DPP6: variants seen among roughly 807,000 people sequenced by gnomAD.
DPP6 encodes the protein A-type potassium channel modulatory protein DPP6.
A neutral mutation model predicts 122.6 loss-of-function variants in DPP6; 69 were observed. The observed-to-expected ratio is 0.56, with a 90% CI of 0.46 to 0.69. DPP6 has a LOEUF of 0.69. DPP6 is among the 30% of genes least tolerant of loss of function. The probability of loss-of-function intolerance (pLI) is 0.00; values close to 1 mark genes in which losing one functional copy is unlikely to be tolerated. For synonymous variants in DPP6, 418 were observed against 433.1 expected (o/e 0.97, Z 0.43); for missense variants, 928 against 1,116.9 (o/e 0.83, Z 2.41).
the DPP6 span, among the ~76,000 whole-genome samples, chr7:153,794,257 C>T: frequency 6.6e-6 from 1 of 152,258 alleles, no homozygotes; most frequent in Non-Finnish European, 1.5e-5. Flanking sequence ...GGGATGGAGG[C>T]TGTACCCTGC....
rs369484698 is a variant in DPP6, at chr7:154,742,015, C to T, written c.883+14128C>T. On this transcript the variant is annotated intron_variant, in intron 8 of 25. Transcript: ENST00000377770. ...CCTCATTTACTAGGGAATCCTATTT[C>T]GAGCCCCTTCTGGGCGCCCAGATTG... Among the ~76,000 whole-genome samples, 33 of 152,338 alleles carry T rather than the reference C, an allele frequency of 2.2e-4. No individual in the cohort carries two copies. In the East Asian group the frequency reaches 4.8e-3, roughly 22 times the overall value.
chr7:154,795,671 C>G (rs1797999019), intron 11 of DPP6, among the ~76,000 whole-genome samples, 174 bp from the exon 12 acceptor site: 1 of 152,044 alleles, frequency 6.6e-6, no homozygotes, highest in Non-Finnish European at 1.5e-5. Flanking sequence ...AAGAGGAGAG[C>G]TCGGGATTGC....
intron 1 of DPP6, among the ~76,000 whole-genome samples, chr7:153,925,497 G>A (rs1288430243): frequency 6.6e-6 from 1 of 151,894 alleles, no homozygotes; most frequent in Non-Finnish European, 1.5e-5. Flanking sequence ...GGTCCCTGTG[G>A]TTCTGATGAG....
chr7:154,649,595 T>C (rs12538959), intron 6 of DPP6, among the ~76,000 whole-genome samples: 96,344 of 152,036 alleles, frequency 0.63, 31,651 homozygotes, highest in East Asian at 0.79. Context: ...CTGGGGGTGG[T>C]TCCACCTGCA....
chr7:154,376,148 G>A (rs1813111198), intron 1 of DPP6, among the ~76,000 whole-genome samples: 1 of 152,186 alleles, frequency 6.6e-6, no homozygotes, highest in Non-Finnish European at 1.5e-5. Flanking sequence ...TGCAGCATTG[G>A]GTAATTTGCT....
chr7:153,997,168 G>A (rs533867967), intron 1 of DPP6, among the ~76,000 whole-genome samples: 8 of 152,076 alleles, frequency 5.3e-5, no homozygotes, highest in South Asian at 2.1e-4. Context: ...AAATCATGGC[G>A]TGGTCCTCCA....
chr7:154,749,693 GA>G, intron 8 of DPP6, among the ~76,000 whole-genome samples: 1 of 63,400 alleles, frequency 1.6e-5, no homozygotes, highest in Non-Finnish European at 3.3e-5. Flanking sequence ...CATAGGATGG[GA>G]AAGAGAGGGA....
chr7:153,848,998 G>A, the DPP6 span, among the ~76,000 whole-genome samples: 1 of 152,028 alleles, frequency 6.6e-6, no homozygotes, highest in Non-Finnish European at 1.5e-5. Context: ...TTTAATTTAT[G>A]ATGGTTTATG....
At chr7:153,971,028 T>C (rs7796170) in intron 1 of DPP6, among the ~76,000 whole-genome samples, 8,290 of 152,152 alleles carry the variant, frequency 0.054, 726 homozygotes, top group African/African-American at 0.19. Context: ...GAAAATCCAC[T>C]TAGAATATTA....
intron 1 of DPP6, among the ~76,000 whole-genome samples, chr7:154,375,334 G>A (rs1302627573): frequency 6.6e-6 from 1 of 152,166 alleles, no homozygotes; most frequent in Middle Eastern, 3.4e-3. Flanking sequence ...GGGGATGTTG[G>A]CCCGGGTGGA....
At chr7:154,037,317 C>T (rs923262458) in intron 1 of DPP6, among the ~76,000 whole-genome samples, 1 of 152,044 alleles carries the variant, frequency 6.6e-6, no homozygotes, top group Non-Finnish European at 1.5e-5. Context: ...CACTGAAACA[C>T]AGCTGCTCCT....
At chr7:154,655,347 T>C (rs749113636) in intron 6 of DPP6, among the ~76,000 whole-genome samples, 1 of 152,226 alleles carries the variant, frequency 6.6e-6, no homozygotes, top group Non-Finnish European at 1.5e-5. Flanking sequence ...TGTTTATTGC[T>C]CAAATAAGCA....
intron 5 of DPP6, among the ~76,000 whole-genome samples, chr7:154,622,042 G>T (rs6597448): frequency 0.71 from 107,084 of 151,702 alleles, 38,319 homozygotes; most frequent in African/African-American, 0.81. Context: ...CCTTTATCAG[G>T]TCCTTATTGA....
chr7:153,945,105 C>T (rs1412453394), intron 1 of DPP6, among the ~76,000 whole-genome samples: 1 of 152,146 alleles, frequency 6.6e-6, no homozygotes, highest in African/African-American at 2.4e-5. Flanking sequence ...GGTCACCCAC[C>T]CTTGCGTACA....
intron 1 of DPP6, among the ~76,000 whole-genome samples, chr7:154,082,849 T>C (rs1804123399): frequency 8.4e-6 from 1 of 118,594 alleles, no homozygotes; most frequent in Non-Finnish European, 1.7e-5. Flanking sequence ...TCTTTTTCTT[T>C]TTTTTTTTTT....
intron 1 of DPP6, among the ~76,000 whole-genome samples, chr7:154,247,694 G>C (rs1193125850): frequency 6.6e-6 from 1 of 152,128 alleles, no homozygotes; most frequent in Non-Finnish European, 1.5e-5. Context: ...ATAATTGTTT[G>C]AAAGTTTCTT....
Position 154,321,807 on chromosome 7 carries a change from A to T in DPP6, c.244-124407A>T, listed in dbSNP as rs1270099829. Reference sequence around the variant, plus strand: ...CTCAAAAAAAAAAAAAAAAAAAAAGAGGAAGAAATTGAACATGGCTTTACA... The same window carrying T: ...CTCAAAAAAAAAAAAAAAAAAAAAGTGGAAGAAATTGAACATGGCTTTACA... On this transcript the variant is annotated intron_variant, in intron 1 of 25. Transcript: ENST00000377770. 2.1e-5 allele frequency among the ~76,000 whole-genome samples: 3 copies of T among 144,934 alleles called. No homozygotes were observed. In the East Asian group the frequency reaches 6.1e-4, roughly 29 times the overall value.
At chr7:154,684,823 T>C (rs141918918) in intron 7 of DPP6, among the ~76,000 whole-genome samples, 1 of 152,320 alleles carries the variant, frequency 6.6e-6, no homozygotes, top group Non-Finnish European at 1.5e-5. Context: ...GGAACTTGAG[T>C]CTTTAGAAGG....
intron 21 of DPP6, chr7:154,883,810 TGCTCACA>T: frequency 8.3e-6 from 1 of 119,998 alleles, no homozygotes; most frequent in South Asian, 2.7e-4. Context: ...CACGCACACA[TGCTCACA>T]CAATTACATA....
Sources: allele counts gnomAD v4.1 joint callset (sites outside exome capture counted in the v4.1 genomes callset), GRCh38; gene constraint gnomAD v4.1.1; transcripts MANE v1.5; gene names NCBI Gene and HGNC (gene_info 2026-07-23, HGNC 2026-07-21).